The following CCDC85A variants were observed in gnomAD, a reference collection of about 807,000 sequenced individuals.
The protein encoded by CCDC85A is coiled-coil domain-containing protein 85A.
A neutral mutation model predicts 50.2 loss-of-function variants in CCDC85A; 38 were observed. The observed-to-expected ratio is 0.76, with a 90% CI of 0.58 to 0.99. The LOEUF (loss-of-function observed/expected upper bound fraction) is 0.99. Among genes scored for constraint, CCDC85A ranks in the 50% least tolerant of loss-of-function variants. The pLI, the probability that CCDC85A is intolerant of heterozygous loss-of-function variation, is 0.00. For synonymous variants in CCDC85A, 366 were observed against 301.4 expected, an observed-to-expected ratio of 1.21 and a Z score of -2.22; for missense variants, 820 against 742.0, an observed-to-expected ratio of 1.11 and a Z score of -1.22.
At chr2:56,209,120 G>A (rs6545558) in intron 2 of CCDC85A, among the ~76,000 whole-genome samples, 127,156 of 152,068 alleles carry the variant, frequency 0.84, 53,236 homozygotes, top group Admixed American at 0.85. Flanking sequence ...GCCTGAGTAC[G>A]TATCCAAGTC....
At chr2:56,263,584 G>A (rs1670309795) in intron 2 of CCDC85A, among the ~76,000 whole-genome samples, 1 of 152,190 alleles carries the variant, frequency 6.6e-6, no homozygotes, top group South Asian at 2.1e-4. Flanking sequence ...CTGGGTGTGA[G>A]GGGGTGTGTA....
At chr2:56,319,355 G>A (rs1037451918) in intron 2 of CCDC85A, among the ~76,000 whole-genome samples, 5 of 152,020 alleles carry the variant, frequency 3.3e-5, no homozygotes, top group Admixed American at 3.3e-4. Flanking sequence ...ATCAATGCTT[G>A]TAACTGCTAG....
chr2:56,223,677 A>G (rs898171152), intron 2 of CCDC85A, among the ~76,000 whole-genome samples: 20 of 152,284 alleles, frequency 1.3e-4, no homozygotes, highest in Admixed American at 2.6e-4. Context: ...CTAAAGCGTA[A>G]TAAGTCTAAA....
chr2:56,236,983 T>C (rs1437683062), intron 2 of CCDC85A, among the ~76,000 whole-genome samples: 1 of 152,214 alleles, frequency 6.6e-6, no homozygotes, highest in Non-Finnish European at 1.5e-5. Context: ...AGCTTTTCTA[T>C]GAATTTCTTT....
rs182048978 is a variant in CCDC85A at position 56,274,341 on chromosome 2, T to A, written c.1241-68538T>A. Among the ~76,000 whole-genome samples the A allele has an allele frequency of 8.3e-4, 127 of 152,232 alleles. 2 individuals carry two copies. In the East Asian group the frequency reaches 0.015, roughly 18 times the overall value. On this transcript the variant is annotated intron_variant, in intron 2 of 5. Transcript: ENST00000407595. Reference sequence around the variant, plus strand: ...GTGAGAGAGTTTTGATTTTAAGAAATGATTGTGGGGGCTGACAAGTTTGAA... The same window carrying A: ...GTGAGAGAGTTTTGATTTTAAGAAAAGATTGTGGGGGCTGACAAGTTTGAA...
chr2:56,277,379 C>A (rs1035158116), intron 2 of CCDC85A, among the ~76,000 whole-genome samples: 1 of 152,038 alleles, frequency 6.6e-6, no homozygotes, highest in Non-Finnish European at 1.5e-5. Flanking sequence ...TCATTTTCTT[C>A]TCTTCTTCTT....
At chr2:56,248,428 C>A (rs557995234) in intron 2 of CCDC85A, among the ~76,000 whole-genome samples, 4 of 152,116 alleles carry the variant, frequency 2.6e-5, no homozygotes, top group South Asian at 4.1e-4. Context: ...AGCAGACAGG[C>A]CCTTGGTGTC....
chr2:56,337,792 C>CTT (rs1291208367), intron 2 of CCDC85A, among the ~76,000 whole-genome samples: 1 of 131,400 alleles, frequency 7.6e-6, no homozygotes, highest in African/African-American at 3.1e-5. Context: ...TTTTTTTTTT[C>CTT]TTTTTTTTTT....
At chr2:56,252,481 C>G (rs977324950) in intron 2 of CCDC85A, among the ~76,000 whole-genome samples, 8 of 152,132 alleles carry the variant, frequency 5.3e-5, no homozygotes, top group African/African-American at 1.9e-4. Context: ...AAAATTGCAG[C>G]TGTGAAAATG....
chr2:56,338,363 G>A (rs1403324798), intron 2 of CCDC85A, among the ~76,000 whole-genome samples: 3 of 152,034 alleles, frequency 2.0e-5, no homozygotes, highest in Non-Finnish European at 2.9e-5. Context: ...TGAGTGTACC[G>A]GGAGATCACC....
At chr2:56,335,459 G>A (rs145028001) in intron 2 of CCDC85A, among the ~76,000 whole-genome samples, 50 of 152,102 alleles carry the variant, frequency 3.3e-4, no homozygotes, top group Non-Finnish European at 4.0e-4. Context: ...CCACAGACTG[G>A]GTGATTTATA....
chr2:56,298,511 T>A (rs1672056394), intron 2 of CCDC85A, among the ~76,000 whole-genome samples: 1 of 152,222 alleles, frequency 6.6e-6, no homozygotes, highest in East Asian at 1.9e-4. Flanking sequence ...AGGGCTCAGC[T>A]AAATTTGAGT....
At chr2:56,201,862 T>C (rs1369253630) in intron 2 of CCDC85A, among the ~76,000 whole-genome samples, 1 of 152,120 alleles carries the variant, frequency 6.6e-6, no homozygotes, top group Non-Finnish European at 1.5e-5. Flanking sequence ...GTATACTTTA[T>C]GTTAGAGCTG....
intron 2 of CCDC85A, among the ~76,000 whole-genome samples, chr2:56,205,483 T>G (rs550178890): frequency 5.3e-5 from 8 of 152,236 alleles, no homozygotes; most frequent in Non-Finnish European, 1.0e-4. Flanking sequence ...CTTGACTAAT[T>G]AGGAAGCCAT....
chr2:56,285,249 A>G (rs1005168050), intron 2 of CCDC85A, among the ~76,000 whole-genome samples: 3 of 150,922 alleles, frequency 2.0e-5, no homozygotes, highest in African/African-American at 7.3e-5. Context: ...TTACAGGCGC[A>G]TGCCACCATG....
intron 2 of CCDC85A, among the ~76,000 whole-genome samples, chr2:56,213,868 G>T (rs767304979): frequency 2.6e-5 from 4 of 151,890 alleles, no homozygotes; most frequent in Non-Finnish European, 5.9e-5. Flanking sequence ...AATATGACAT[G>T]ATTATAGGTG....
intron 2 of CCDC85A, among the ~76,000 whole-genome samples, chr2:56,337,941 T>C (rs1033691858): frequency 5.9e-5 from 9 of 151,762 alleles, no homozygotes; most frequent in Non-Finnish European, 1.2e-4. Flanking sequence ...GCTGCCACCA[T>C]GCCCGGCTAA....
chr2:56,250,022 C>G (rs1207379736), intron 2 of CCDC85A, among the ~76,000 whole-genome samples: 1 of 152,152 alleles, frequency 6.6e-6, no homozygotes, highest in African/African-American at 2.4e-5. Flanking sequence ...GTGCCAGCAG[C>G]CATGAAGGGC....
At chr2:56,306,295 A>G (rs151015296) in intron 2 of CCDC85A, among the ~76,000 whole-genome samples, 5,367 of 151,882 alleles carry the variant, frequency 0.035, 315 homozygotes, top group African/African-American at 0.12. Context: ...ACACCCAGCT[A>G]ATTTTTGTAT....
Sources: gnomAD v4.1 joint callset for allele counts (sites outside exome capture counted in the v4.1 genomes callset) on GRCh38, gnomAD v4.1.1 for gene constraint, MANE v1.5 for transcripts, NCBI Gene and HGNC (gene_info 2026-07-23, HGNC 2026-07-21) for gene names.